Variants in ADARB2 observed in about 807,000 individuals in gnomAD.
ADARB2 encodes the protein inactive double-stranded RNA-specific editase B2.
Under a neutral mutation model 62.2 loss-of-function variants are expected in ADARB2, and 25 were observed. That is an observed-to-expected ratio of 0.40 (90% CI 0.29 to 0.56). The LOEUF (loss-of-function observed/expected upper bound fraction) is 0.56. Among genes scored for constraint, ADARB2 ranks in the 20% least tolerant of loss-of-function variants. ADARB2 has a pLI of 0.43. For synonymous variants in ADARB2, 572 were observed against 500.8 expected, an observed-to-expected ratio of 1.14 and a Z score of -1.90; for missense variants, 1,071 against 1,077.4, an observed-to-expected ratio of 0.99 and a Z score of 0.08.
chr10:1,409,558 T>C (rs571749833), intron 1 of ADARB2, among the ~76,000 whole-genome samples: 88 of 149,582 alleles, frequency 5.9e-4, no homozygotes, highest in African/African-American at 2.2e-3. Context: ...TGCCGAGGCC[T>C]GGCCGTGGTC....
intron 3 of ADARB2, among the ~76,000 whole-genome samples, chr10:1,318,591 T>C (rs1030329847): frequency 7.3e-6 from 1 of 136,392 alleles, no homozygotes; most frequent in African/African-American, 2.8e-5. Context: ...CTGATCTCTC[T>C]GGGCACTGCT....
chr10:1,707,752 C>T (rs1481254882), intron 1 of ADARB2, among the ~76,000 whole-genome samples: 1 of 152,180 alleles, frequency 6.6e-6, no homozygotes, highest in African/African-American at 2.4e-5. Context: ...ATAAACTAGA[C>T]ATTTGGCTCA....
intron 3 of ADARB2, among the ~76,000 whole-genome samples, chr10:1,358,882 C>T (rs1832222493): frequency 6.6e-6 from 1 of 151,564 alleles, no homozygotes; most frequent in Non-Finnish European, 1.5e-5. Flanking sequence ...ACTGAGCACA[C>T]AGGTGACTTT....
At chr10:1,335,773 C>T (rs1831968216) in intron 3 of ADARB2, among the ~76,000 whole-genome samples, 1 of 152,174 alleles carries the variant, frequency 6.6e-6, no homozygotes, top group African/African-American at 2.4e-5. Flanking sequence ...GCCATCAAAG[C>T]AGAATGTGCA....
At chr10:1,359,600 G>A (rs1832231354) in intron 3 of ADARB2, among the ~76,000 whole-genome samples, 1 of 152,198 alleles carries the variant, frequency 6.6e-6, no homozygotes, top group South Asian at 2.1e-4. Context: ...AGCTGATATT[G>A]TGAATCCCAA....
At chr10:1,577,701 C>G (rs10794762) in intron 1 of ADARB2, among the ~76,000 whole-genome samples, 1 of 151,860 alleles carries the variant, frequency 6.6e-6, no homozygotes, top group Non-Finnish European at 1.5e-5. Context: ...CTGCCGCACA[C>G]GACACACAGG....
intron 3 of ADARB2, among the ~76,000 whole-genome samples, chr10:1,324,932 G>T (rs941358256): frequency 1.3e-5 from 2 of 152,224 alleles, no homozygotes; most frequent in African/African-American, 4.8e-5. Flanking sequence ...GTGAGGCGTT[G>T]TGCTCCGGCT....
intron 1 of ADARB2, among the ~76,000 whole-genome samples, chr10:1,736,741 G>A (rs1232995482): frequency 6.6e-6 from 1 of 152,226 alleles, no homozygotes; most frequent in Non-Finnish European, 1.5e-5. Flanking sequence ...AGCCCGGCCG[G>A]CCACTGGGGA....
At chr10:1,375,150 C>T (rs1323149919) in intron 2 of ADARB2, among the ~76,000 whole-genome samples, 1 of 152,174 alleles carries the variant, frequency 6.6e-6, no homozygotes, top group African/African-American at 2.4e-5. Flanking sequence ...CAGCACAACT[C>T]CAGGGCCCAG....
chr10:1,547,179 C>T (rs1832534057), intron 1 of ADARB2, among the ~76,000 whole-genome samples: 1 of 152,006 alleles, frequency 6.6e-6, no homozygotes, highest in African/African-American at 2.4e-5. Context: ...GGGAGAGATG[C>T]TGCGCAGGTG....
chr10:1,382,959 G>A (rs932321528), intron 1 of ADARB2, among the ~76,000 whole-genome samples: 4 of 152,222 alleles, frequency 2.6e-5, no homozygotes, highest in Admixed American at 2.6e-4. Flanking sequence ...ACTGACCTGG[G>A]GGACGCAGTG....
chr10:1,289,740 C>T (rs936395039), intron 3 of ADARB2, among the ~76,000 whole-genome samples: 4 of 152,252 alleles, frequency 2.6e-5, no homozygotes, highest in African/African-American at 7.2e-5. Context: ...CAAGACAGCC[C>T]ACAGGATCCA....
chr10:1,379,978 A>T (rs1417420439), intron 1 of ADARB2, among the ~76,000 whole-genome samples: 1 of 152,224 alleles, frequency 6.6e-6, no homozygotes, highest in Non-Finnish European at 1.5e-5. Flanking sequence ...TTGAGGTATG[A>T]TTGAGAGAAA....
chr10:1,630,248 G>A (rs908624366), intron 1 of ADARB2, among the ~76,000 whole-genome samples: 2 of 152,192 alleles, frequency 1.3e-5, no homozygotes, highest in African/African-American at 4.8e-5. Flanking sequence ...CTAGAGCTTG[G>A]CCCTCCCGAC....
chr10:1,198,580 A>T (rs1037783162), intron 8 of ADARB2, among the ~76,000 whole-genome samples: 4 of 152,230 alleles, frequency 2.6e-5, no homozygotes, highest in African/African-American at 9.6e-5. Flanking sequence ...TAAGCATGTA[A>T]ATGGAGGCTG....
intron 1 of ADARB2, among the ~76,000 whole-genome samples, chr10:1,581,280 G>A (rs1213546262): frequency 6.6e-6 from 1 of 152,244 alleles, no homozygotes; most frequent in African/African-American, 2.4e-5. Context: ...TTCCGCTCGT[G>A]GGAGCTTTCC....
At chr10:1,226,099 T>G (rs953830641) in intron 6 of ADARB2, among the ~76,000 whole-genome samples, 12 of 152,178 alleles carry the variant, frequency 7.9e-5, no homozygotes, top group African/African-American at 2.9e-4. Flanking sequence ...CTTGGAGGCT[T>G]TCTTCATTTC....
chr10:1,695,575 G>C (rs1271706831), intron 1 of ADARB2, among the ~76,000 whole-genome samples: 1 of 152,082 alleles, frequency 6.6e-6, no homozygotes, highest in African/African-American at 2.4e-5. Context: ...AAAGATCCAT[G>C]TGTAGGTCTG....
At chr10:1,189,629 C>G (rs1836810660) in intron 8 of ADARB2, among the ~76,000 whole-genome samples, 1 of 152,076 alleles carries the variant, frequency 6.6e-6, no homozygotes, top group Admixed American at 6.5e-5. Flanking sequence ...CAGAGGGTGT[C>G]TGCAGCTGCA....
Sources: allele counts gnomAD v4.1 joint callset (sites outside exome capture counted in the v4.1 genomes callset), GRCh38; gene constraint gnomAD v4.1.1; transcripts MANE v1.5; gene names NCBI Gene and HGNC (gene_info 2026-07-23, HGNC 2026-07-21).